Variants in CCDC57 observed in about 807,000 individuals in gnomAD.
CCDC57 encodes the protein coiled-coil domain-containing protein 57.
CCDC57 carries 118 observed loss-of-function variants against 118.9 expected under a neutral mutation model. That is an observed-to-expected ratio of 0.99 (90% CI 0.86 to 1.16). The LOEUF (loss-of-function observed/expected upper bound fraction) is 1.16, where lower values mean the gene tolerates loss of function less well. Ranked by LOEUF, CCDC57 falls within the 50% of genes most tolerant of loss-of-function variation. CCDC57 has a pLI of 0.00. For synonymous variants in CCDC57, 527 were observed against 532.9 expected, an observed-to-expected ratio of 0.99 and a Z score of 0.15; for missense variants, 1,300 against 1,320.7, an observed-to-expected ratio of 0.98 and a Z score of 0.24.
At chr17:82,179,657 A>G (rs1429131709) in intron 9 of CCDC57, among the ~76,000 whole-genome samples, 2 of 152,058 alleles carry the variant, frequency 1.3e-5, no homozygotes, top group African/African-American at 2.4e-5. Flanking sequence ...CCCCCGAGCG[A>G]GTGCAAAGGG....
chr17:82,166,837 G>T (rs1395166709), intron 13 of CCDC57, among the ~76,000 whole-genome samples: 1 of 152,004 alleles, frequency 6.6e-6, no homozygotes, highest in African/African-American at 2.4e-5. Context: ...GGTCCCTTGA[G>T]CCCAGGGGGT....
chr17:82,142,637 T>C (rs912581433), intron 16 of CCDC57, among the ~76,000 whole-genome samples: 1 of 152,072 alleles, frequency 6.6e-6, no homozygotes, highest in African/African-American at 2.4e-5. Flanking sequence ...TAAAACATGA[T>C]GGTGAGAAGG....
chr17:82,112,574 GCT>G (rs1412345675), intron 19 of CCDC57: 2 of 152,354 alleles, frequency 1.3e-5, no homozygotes, highest in African/African-American at 4.8e-5. Context: ...GATTTCTGGA[GCT>G]CTTTTCTGCA....
chr17:82,136,680 C>T (rs927407489), intron 16 of CCDC57, among the ~76,000 whole-genome samples: 2 of 151,888 alleles, frequency 1.3e-5, no homozygotes, highest in African/African-American at 4.8e-5. Context: ...TCACTGCAGC[C>T]TCCACCTCCT....
intron 13 of CCDC57, 123 bp downstream of exon 12, chr17:82,171,578 G>T: frequency 9.7e-7 from 1 of 1,034,688 alleles, no homozygotes; most frequent in Non-Finnish European, 1.4e-6. Flanking sequence ...TGCTGGGCTG[G>T]ATGACGCCGC....
chr17:82,210,658 CGAGA>C (rs778778507), intron 1 of CCDC57, among the ~76,000 whole-genome samples: 3 of 142,196 alleles, frequency 2.1e-5, no homozygotes, highest in African/African-American at 7.9e-5. Context: ...CCAGCTTGGG[CGAGA>C]GAGAGAGAGA....
At chr17:82,111,666 G>A (rs2035258843) in intron 19 of CCDC57, among the ~76,000 whole-genome samples, 1 of 152,110 alleles carries the variant, frequency 6.6e-6, no homozygotes, top group African/African-American at 2.4e-5. Flanking sequence ...GAGTGCAGTG[G>A]TGCGATCTCG....
At chr17:82,207,464 G>C (rs535929923) in intron 2 of CCDC57, 1 of 152,156 alleles carries the variant, frequency 6.6e-6, no homozygotes, top group Admixed American at 6.5e-5. Context: ...ATCAATCAGT[G>C]CTTGAGATAT....
chr17:82,143,670 C>T (rs572230237), intron 16 of CCDC57, among the ~76,000 whole-genome samples: 2 of 152,136 alleles, frequency 1.3e-5, no homozygotes, highest in South Asian at 4.1e-4. Flanking sequence ...AACAACCAGC[C>T]AACCAACCTA....
chr17:82,186,377 C>A (rs562530353), intron 8 of CCDC57, among the ~76,000 whole-genome samples: 78 of 152,278 alleles, frequency 5.1e-4, no homozygotes, highest in African/African-American at 1.6e-3. Flanking sequence ...GGAGTGGTGA[C>A]GCCCAGTCAC....
intron 19 of CCDC57, among the ~76,000 whole-genome samples, chr17:82,110,910 A>T (rs1199802959): frequency 6.6e-6 from 1 of 151,562 alleles, no homozygotes; most frequent in African/African-American, 2.4e-5. Context: ...CTGTAATCCC[A>T]GCTACTCGGG....
At chr17:82,205,136 T>C (rs1004226231) in intron 2 of CCDC57, among the ~76,000 whole-genome samples, 17 of 152,180 alleles carry the variant, frequency 1.1e-4, no homozygotes, top group East Asian at 1.9e-4. Context: ...AGGGAAAGAA[T>C]TGGACTATCA....
chr17:82,107,769 C>T (rs1045392605), intron 19 of CCDC57: 8 of 375,154 alleles, frequency 2.1e-5, no homozygotes, highest in Non-Finnish European at 3.7e-5. Context: ...GGACCGGCGT[C>T]CACCTGAGAT....
chr17:82,187,849 G>A (rs183048013), intron 8 of CCDC57, among the ~76,000 whole-genome samples: 62 of 150,394 alleles, frequency 4.1e-4, no homozygotes, highest in African/African-American at 1.3e-3. Flanking sequence ...GGAGGCGTTG[G>A]TGTGTAATGG....
At chr17:82,142,670 G>A (rs4789681) in intron 16 of CCDC57, among the ~76,000 whole-genome samples, 70,880 of 151,790 alleles carry the variant, frequency 0.47, 17,324 homozygotes, top group East Asian at 0.88. Flanking sequence ...AATCACAGGA[G>A]CAATGGAGGA....
exon 14 of CCDC57, chr17:82,163,227 G>A: frequency 1.2e-6 from 2 of 1,613,998 alleles, no homozygotes; most frequent in Non-Finnish European, 1.7e-6. Flanking sequence ...TCACCAGCAG[G>A]TTTAGGAGCT....
chr17:82,130,605 C>A (rs1222397850), intron 17 of CCDC57, among the ~76,000 whole-genome samples: 1 of 133,816 alleles, frequency 7.5e-6, no homozygotes, highest in East Asian at 2.3e-4. Context: ...TGGGTTCAAG[C>A]GATTCTCCTG....
chr17:82,147,511 G>A (rs564039062), intron 16 of CCDC57, among the ~76,000 whole-genome samples: 89 of 151,380 alleles, frequency 5.9e-4, no homozygotes, highest in African/African-American at 2.1e-3. Context: ...GTAGGTGGAT[G>A]GATAGATGGG....
At chr17:82,194,295 A>C in intron 5 of CCDC57, 156 bp from the exon 5 acceptor site, 4 of 718,004 alleles carry the variant, frequency 5.6e-6, no homozygotes, top group Non-Finnish European at 8.7e-6. Context: ...CACAACTCAA[A>C]CGAGACTCAA....
Sources: allele counts gnomAD v4.1 joint callset (sites outside exome capture counted in the v4.1 genomes callset), GRCh38; gene constraint gnomAD v4.1.1; transcripts MANE v1.5; gene names NCBI Gene and HGNC (gene_info 2026-07-23, HGNC 2026-07-21).